Variants in ANKRD13C observed in about 807,000 individuals in gnomAD.
ANKRD13C encodes the protein ankyrin repeat domain 13C.
ANKRD13C carries 16 observed loss-of-function variants against 65.5 expected under a neutral mutation model. The observed-to-expected ratio is 0.24, with a 90% CI of 0.17 to 0.37. The LOEUF (loss-of-function observed/expected upper bound fraction) is 0.37. Ranked by LOEUF, ANKRD13C falls within the 10% of genes least tolerant of loss-of-function variation. The pLI is 1.00. For synonymous variants in ANKRD13C, 235 were observed against 238.7 expected (o/e 0.98, Z 0.14); for missense variants, 503 against 655.9 (o/e 0.77, Z 2.55).
intron 2 of ANKRD13C, among the ~76,000 whole-genome samples, chr1:70,325,424 T>C (rs1176704062): frequency 6.6e-6 from 1 of 152,206 alleles, no homozygotes; most frequent in Non-Finnish European, 1.5e-5. Context: ...AACACATTTA[T>C]TTTTCAAATT....
At chr1:70,265,591 G>T (rs542072850) in intron 12 of ANKRD13C, among the ~76,000 whole-genome samples, 1 of 151,966 alleles carries the variant, frequency 6.6e-6, no homozygotes, top group Non-Finnish European at 1.5e-5. Context: ...GGAGGCCAAG[G>T]TGGATAAATC....
chr1:70,283,383 C>T (rs943901012), intron 9 of ANKRD13C, among the ~76,000 whole-genome samples: 1 of 152,074 alleles, frequency 6.6e-6, no homozygotes, highest in Admixed American at 6.6e-5. Flanking sequence ...CTTCTGATGA[C>T]TATTTTCCTT....
intron 9 of ANKRD13C, among the ~76,000 whole-genome samples, chr1:70,278,892 G>A (rs893360490): frequency 6.6e-6 from 1 of 152,030 alleles, no homozygotes; most frequent in African/African-American, 2.4e-5. Context: ...AATTAATGGA[G>A]ATAACGTATA....
intron 7 of ANKRD13C, among the ~76,000 whole-genome samples, chr1:70,297,317 A>G (rs1680132070): frequency 9.5e-6 from 1 of 105,180 alleles, no homozygotes; most frequent in Admixed American, 1.2e-4. Flanking sequence ...TTTTTGAGAC[A>G]GAGTCCCGCT....
At chr1:70,289,481 T>C (rs10157545) in intron 9 of ANKRD13C, among the ~76,000 whole-genome samples, 5,872 of 152,146 alleles carry the variant, frequency 0.039, 380 homozygotes, top group African/African-American at 0.13. Context: ...TATTTTTTTT[T>C]TTTGAGACAG....
intron 12 of ANKRD13C, 39 bp downstream of exon 12, chr1:70,270,817 C>T (rs761525170): frequency 5.1e-6 from 7 of 1,380,146 alleles, no homozygotes; most frequent in Admixed American, 1.8e-5. Flanking sequence ...CTCCATATTC[C>T]TAATGGACAC....
At chr1:70,276,953 T>G in intron 9 of ANKRD13C, 109 bp from the exon 10 acceptor site, 1 of 879,450 alleles carries the variant, frequency 1.1e-6, no homozygotes, top group Non-Finnish European at 1.7e-6. Context: ...ACAATCTACT[T>G]AATCTCTTCA....
chr1:70,333,327 A>T (rs1208386811), intron 2 of ANKRD13C, among the ~76,000 whole-genome samples: 1 of 152,144 alleles, frequency 6.6e-6, no homozygotes, highest in African/African-American at 2.4e-5. Flanking sequence ...GTTCTTTGAA[A>T]AAAAAAAGCG....
intron 9 of ANKRD13C, among the ~76,000 whole-genome samples, chr1:70,288,872 G>A (rs1476162039): frequency 6.6e-6 from 1 of 152,096 alleles, no homozygotes; most frequent in Admixed American, 6.6e-5. Flanking sequence ...TTGGTAAGAC[G>A]TTACCACTGG....
At chr1:70,292,216 T>A in intron 9 of ANKRD13C, 172 bp downstream of exon 9, 2 of 470,368 alleles carry the variant, frequency 4.3e-6, no homozygotes, top group Non-Finnish European at 7.1e-6. Flanking sequence ...CCAAAAGACA[T>A]TTTTTTGTCT....
At chr1:70,338,325 C>T (rs1682148575) in intron 1 of ANKRD13C, among the ~76,000 whole-genome samples, 1 of 152,152 alleles carries the variant, frequency 6.6e-6, no homozygotes, top group Admixed American at 6.6e-5. Context: ...ATTAGGAACT[C>T]TCAGTAAAGC....
At chr1:70,315,745 G>C (rs1196593045) in intron 3 of ANKRD13C, among the ~76,000 whole-genome samples, 179 bp from the exon 4 acceptor site, 2 of 152,060 alleles carry the variant, frequency 1.3e-5, no homozygotes, top group African/African-American at 4.8e-5. Context: ...AAAAATCAAA[G>C]AGCAATGTTT....
rs1678363035 is a variant in ANKRD13C at position 70,260,813 on chromosome 1, T to G, written c.*1904A>C. ...ACCTCCAGTGTACCCCAGCAAAATA[T>G]TCATAGCTGTGCTGTTAGGAAATTA... On this transcript the variant is annotated 3_prime_UTR_variant, in exon 13 of 13. Coordinates refer to ENST00000370944, the MANE Select transcript of ANKRD13C (RefSeq NM_030816.5). The G allele has an allele frequency of 1.3e-5, 2 of 152,154 alleles. No individual in the cohort carries two copies. The highest frequency in any genetic ancestry group is 3.8e-4 in the East Asian group (2 of 5,202). The allele number at this position is 152,154 out of a possible 1,614,324, so 9.4% of individuals were successfully genotyped here.
chr1:70,274,214 C>G (rs1679023855), intron 11 of ANKRD13C, among the ~76,000 whole-genome samples: 1 of 151,454 alleles, frequency 6.6e-6, no homozygotes, highest in Non-Finnish European at 1.5e-5. Context: ...TGGCTCACGC[C>G]TGTAATCCCA....
chr1:70,318,905 T>C (rs1220518755), intron 3 of ANKRD13C, among the ~76,000 whole-genome samples: 1 of 152,006 alleles, frequency 6.6e-6, no homozygotes, highest in African/African-American at 2.4e-5. Context: ...ATGGTCTCGA[T>C]CTCTTGACAT....
At chr1:70,353,954 G>A in intron 1 of ANKRD13C, 25 bp downstream of exon 1, 1 of 1,497,504 alleles carries the variant, frequency 6.7e-7, no homozygotes, top group Non-Finnish European at 8.9e-7. Flanking sequence ...AAGGAGAGAG[G>A]TGGAGAGGGG....
At chr1:70,263,383 A>G (rs1025137841) in intron 12 of ANKRD13C, among the ~76,000 whole-genome samples, 2 of 152,222 alleles carry the variant, frequency 1.3e-5, no homozygotes, top group African/African-American at 4.8e-5. Flanking sequence ...ACCACAGCCT[A>G]ATCTTCCAAA....
At chr1:70,267,122 C>T (rs530061620) in intron 12 of ANKRD13C, among the ~76,000 whole-genome samples, 76 of 152,280 alleles carry the variant, frequency 5.0e-4, no homozygotes, top group Middle Eastern at 6.8e-3. Context: ...GGTATATATA[C>T]ATTTAGAATG....
intron 6 of ANKRD13C, among the ~76,000 whole-genome samples, chr1:70,304,360 A>G (rs376467395): frequency 6.6e-6 from 1 of 152,064 alleles, no homozygotes. Context: ...TTTTTTTTCA[A>G]AGAGATTCCT....
Sources: gnomAD v4.1 joint callset for allele counts (sites outside exome capture counted in the v4.1 genomes callset) on GRCh38, gnomAD v4.1.1 for gene constraint, MANE v1.5 for transcripts, NCBI Gene and HGNC (gene_info 2026-07-23, HGNC 2026-07-21) for gene names.